Variants in CTNNA2 observed in about 807,000 individuals in gnomAD.
CTNNA2 encodes the protein catenin alpha-2.
A neutral mutation model predicts 101.0 loss-of-function variants in CTNNA2; 42 were observed. That is an observed-to-expected ratio of 0.42 (90% CI 0.32 to 0.54). The LOEUF (loss-of-function observed/expected upper bound fraction) is 0.54. CTNNA2 is among the 20% of genes least tolerant of loss of function. The probability of loss-of-function intolerance (pLI) is 0.14; values close to 1 mark genes in which losing one functional copy is unlikely to be tolerated. For missense variants in CTNNA2, 871 were observed against 1,223.1 expected (o/e 0.71, Z 4.29); for synonymous variants, 450 against 456.4 (o/e 0.99, Z 0.18).
intron 18 of CTNNA2, among the ~76,000 whole-genome samples, chr2:80,634,685 G>A (rs1317012778): frequency 6.6e-6 from 1 of 152,062 alleles, no homozygotes; most frequent in Admixed American, 6.6e-5. Context: ...GTTAGGGGAA[G>A]CTTTTGTAAC....
intron 3 of CTNNA2, among the ~76,000 whole-genome samples, chr2:79,793,966 T>C (rs2105265677): frequency 6.7e-6 from 1 of 149,698 alleles, no homozygotes; most frequent in Non-Finnish European, 1.5e-5. Flanking sequence ...TACAATGGAC[T>C]TTGGGGACTG....
intron 9 of CTNNA2, among the ~76,000 whole-genome samples, chr2:80,539,108 TC>T (rs1691304884): frequency 6.6e-6 from 1 of 152,130 alleles, no homozygotes; most frequent in Non-Finnish European, 1.5e-5. Context: ...AACCTCCACC[TC>T]CTCAGTTCAA....
intron 7 of CTNNA2, among the ~76,000 whole-genome samples, chr2:80,043,119 C>CTCCTTCCTTCCT (rs70940072): frequency 7.7e-5 from 4 of 51,998 alleles, no homozygotes; most frequent in South Asian, 9.9e-4. Context: ...CTCTTTCTTT[C>CTCCTTCCTTCCT]TCCTTCCTTC....
At chr2:80,506,738 G>A (rs1453265271) in intron 9 of CTNNA2, among the ~76,000 whole-genome samples, 1 of 152,168 alleles carries the variant, frequency 6.6e-6, no homozygotes, top group Non-Finnish European at 1.5e-5. Flanking sequence ...TAGCAATGAG[G>A]AAGTCATAAG....
chr2:79,962,231 A>G (rs923525429), intron 7 of CTNNA2, among the ~76,000 whole-genome samples: 1 of 152,250 alleles, frequency 6.6e-6, no homozygotes, highest in African/African-American at 2.4e-5. Context: ...TCCAAGATCA[A>G]GACACTGGCA....
At chr2:80,539,658 A>C (rs1691370322) in intron 9 of CTNNA2, among the ~76,000 whole-genome samples, 1 of 152,180 alleles carries the variant, frequency 6.6e-6, no homozygotes, top group South Asian at 2.1e-4. Context: ...GTACTAAGTC[A>C]GAGAAAGACT....
At chr2:79,970,093 A>G (rs62139981) in intron 7 of CTNNA2, among the ~76,000 whole-genome samples, 21,100 of 152,182 alleles carry the variant, frequency 0.14, 2,143 homozygotes, top group Admixed American at 0.32. Flanking sequence ...AGGGGTAAGC[A>G]TTTATGCCCT....
intron 7 of CTNNA2, among the ~76,000 whole-genome samples, chr2:80,150,692 G>A (rs1001111821): frequency 6.6e-6 from 1 of 152,134 alleles, no homozygotes; most frequent in Non-Finnish European, 1.5e-5. Flanking sequence ...ATAAACACTG[G>A]TGTTGGTTCA....
intron 4 of CTNNA2, among the ~76,000 whole-genome samples, chr2:79,401,972 GAT>G (rs941966958): frequency 2.0e-5 from 3 of 151,538 alleles, no homozygotes; most frequent in African/African-American, 7.3e-5. Flanking sequence ...TAGGAAAAAA[GAT>G]ATATGATTCA....
At chr2:80,086,850 C>T (rs1699468804) in intron 7 of CTNNA2, among the ~76,000 whole-genome samples, 1 of 151,874 alleles carries the variant, frequency 6.6e-6, no homozygotes, top group African/African-American at 2.4e-5. Context: ...TCCAAATGGC[C>T]TCAAGAAACT....
At chr2:79,465,971 C>G (rs1005095522) in intron 4 of CTNNA2, among the ~76,000 whole-genome samples, 1 of 152,162 alleles carries the variant, frequency 6.6e-6, no homozygotes, top group Admixed American at 6.5e-5. Context: ...ACGTAAAAAA[C>G]AGGTGATTTC....
chr2:80,424,368 C>A (rs1262873766), intron 9 of CTNNA2, among the ~76,000 whole-genome samples: 2 of 152,154 alleles, frequency 1.3e-5, no homozygotes, highest in Non-Finnish European at 2.9e-5. Flanking sequence ...TTTAAGTGAA[C>A]TATTATGGGA....
Position 79,338,583 on chromosome 2 carries a change from C to T in CTNNA2, c.-318+25787C>T, listed in dbSNP as rs200399333. 3.1e-3 allele frequency among the ~76,000 whole-genome samples: 302 copies of T among 97,506 alleles called. 4 individuals carry two copies. The highest frequency in any genetic ancestry group is 9.1e-3 in the African/African-American group (215 of 23,556). The allele number at this position is 97,506 out of a possible 152,430, so 64.0% of individuals were successfully genotyped here. ...TCTTCTTCTTCCTCCTCATCATCTT[C>T]TTCTTCTTCTTCTTCTTCTTCTTCT... On this transcript the variant is annotated intron_variant, in intron 3 of 21. Coordinates refer to the CTNNA2 transcript ENST00000466387.
Position 80,506,092 on chromosome 2 carries a change from T to A in CTNNA2, c.1291-38890T>A, listed in dbSNP as rs186138188. On this transcript the variant is annotated intron_variant, in intron 9 of 18. Transcript: ENST00000402739. ...TGGAAACAAAGAGTCTTCAAAAGAC[T>A]CAGCATGATTTACAGATACAGTGCA... Among the ~76,000 whole-genome samples the A allele has an allele frequency of 3.4e-4, 52 of 152,256 alleles. 1 individual carries two copies. Among genetic ancestry groups the A allele is most frequent in the Admixed American group, 3.1e-3 (48 of 15,284 alleles).
chr2:79,217,945 A>C lies in CTNNA2; in HGVS notation c.-406+19869A>C, dbSNP rs563151197. ...TAGCAGGTACGGAGCACATGCTTAA[A>C]ATATTTGATGAAAGGAGGAAAAAGG... On this transcript the variant is annotated intron_variant, in intron 2 of 21. Coordinates refer to the CTNNA2 transcript ENST00000466387. Among the ~76,000 whole-genome samples the C allele has an allele frequency of 9.8e-4, 150 of 152,300 alleles. 1 individual carries two copies. The highest frequency in any genetic ancestry group is 3.5e-3 in the African/African-American group (144 of 41,556).
intron 2 of CTNNA2, among the ~76,000 whole-genome samples, chr2:79,295,041 G>T (rs1675946051): frequency 1.3e-5 from 2 of 151,698 alleles, no homozygotes; most frequent in Admixed American, 1.3e-4. Context: ...GTGTATTTGT[G>T]TATGCTCATC....
chr2:79,187,183 G>GA (rs1438091526), intron 1 of CTNNA2, among the ~76,000 whole-genome samples: 1 of 149,708 alleles, frequency 6.7e-6, no homozygotes, highest in Admixed American at 6.7e-5. Flanking sequence ...AAGGATCAAA[G>GA]AAAAAAATCT....
At chr2:80,107,332 G>T (rs1164832979) in intron 7 of CTNNA2, among the ~76,000 whole-genome samples, 1 of 152,148 alleles carries the variant, frequency 6.6e-6, no homozygotes, top group Non-Finnish European at 1.5e-5. Context: ...GAGAGAAACA[G>T]CTTGACTCGA....
chr2:79,963,970 A>T (rs1262271790), intron 7 of CTNNA2, among the ~76,000 whole-genome samples: 3 of 152,060 alleles, frequency 2.0e-5, no homozygotes, highest in African/African-American at 4.8e-5. Context: ...TAATTTCAGG[A>T]AGGGGTTGGG....
Sources: allele counts gnomAD v4.1 joint callset (sites outside exome capture counted in the v4.1 genomes callset), GRCh38; gene constraint gnomAD v4.1.1; transcripts MANE v1.5; gene names NCBI Gene and HGNC (gene_info 2026-07-23, HGNC 2026-07-21).